DPP10: variants seen among roughly 807,000 people sequenced by gnomAD.
DPP10 encodes dipeptidyl peptidase like 10.
A neutral mutation model predicts 120.9 loss-of-function variants in DPP10; 33 were observed. The ratio of observed to expected loss-of-function variants is 0.27; its 90% CI spans 0.21 to 0.37. The LOEUF (loss-of-function observed/expected upper bound fraction) is 0.37. Among genes scored for constraint, DPP10 ranks in the 10% least tolerant of loss-of-function variants. DPP10 has a pLI of 1.00. For synonymous variants in DPP10, 337 were observed against 326.1 expected (o/e 1.03, Z -0.36); for missense variants, 816 against 942.8 (o/e 0.87, Z 1.76).
chr2:115,331,201 G>C (rs1241230821), intron 2 of DPP10, among the ~76,000 whole-genome samples: 1 of 152,138 alleles, frequency 6.6e-6, no homozygotes, highest in East Asian at 1.9e-4. Flanking sequence ...GTGAATGGGA[G>C]TTCACTCATG....
intron 1 of DPP10, among the ~76,000 whole-genome samples, chr2:114,591,071 G>A (rs548124571): frequency 4.6e-5 from 7 of 152,284 alleles, no homozygotes; most frequent in Admixed American, 4.6e-4. Flanking sequence ...ACACTGGGAG[G>A]TGTAGTGAGG....
chr2:114,809,738 A>C (rs1352757046), intron 1 of DPP10, among the ~76,000 whole-genome samples: 1 of 152,176 alleles, frequency 6.6e-6, no homozygotes, highest in Admixed American at 6.6e-5. Flanking sequence ...CTTTACCTGC[A>C]TACGGCTTGC....
chr2:115,634,244 C>T (rs1419686344), intron 5 of DPP10, among the ~76,000 whole-genome samples: 1 of 152,128 alleles, frequency 6.6e-6, no homozygotes, highest in Non-Finnish European at 1.5e-5. Context: ...TGTGCTCTTG[C>T]TGGAGAGGTG....
chr2:115,433,885 C>T (rs2104799530), intron 3 of DPP10, among the ~76,000 whole-genome samples: 1 of 152,050 alleles, frequency 6.6e-6, no homozygotes, highest in East Asian at 1.9e-4. Context: ...ATGCTCAAAT[C>T]CAAATTCAAA....
chr2:114,663,265 T>TATATATATATATATATATATA, intron 1 of DPP10, among the ~76,000 whole-genome samples: 1 of 148,506 alleles, frequency 6.7e-6, no homozygotes, highest in African/African-American at 2.5e-5. Flanking sequence ...TATATCTATA[T>TATATATATATATATATATATA]ATATATACAC....
intron 1 of DPP10, among the ~76,000 whole-genome samples, chr2:115,233,239 GTT>G (rs2057830427): frequency 7.1e-6 from 1 of 140,862 alleles, no homozygotes; most frequent in Non-Finnish European, 1.6e-5. Context: ...GTGTGTGTGT[GTT>G]TATTACATGC....
At chr2:114,561,895 T>C (rs1275535228) in intron 1 of DPP10, among the ~76,000 whole-genome samples, 1 of 152,218 alleles carries the variant, frequency 6.6e-6, no homozygotes, top group African/African-American at 2.4e-5. Context: ...GATTTAAACT[T>C]ATTTCATCAT....
intron 1 of DPP10, among the ~76,000 whole-genome samples, chr2:114,954,100 A>G (rs1167055568): frequency 1.7e-4 from 1 of 6,036 alleles, no homozygotes; most frequent in Non-Finnish European, 4.6e-4. Flanking sequence ...TTTTTTTTTG[A>G]TACAGAGTCT....
chr2:114,633,100 G>A (rs1306215226), intron 1 of DPP10, among the ~76,000 whole-genome samples: 4 of 150,940 alleles, frequency 2.7e-5, no homozygotes, highest in Admixed American at 1.3e-4. Context: ...CTATTGGGAT[G>A]TCATTGCTTC....
At chr2:115,335,099 A>G (rs1449494158) in intron 2 of DPP10, among the ~76,000 whole-genome samples, 1 of 151,946 alleles carries the variant, frequency 6.6e-6, no homozygotes, top group Non-Finnish European at 1.5e-5. Context: ...CGGGGATGGC[A>G]GGAGGCAAAA....
chr2:114,629,466 G>C (rs1694757900), intron 1 of DPP10, among the ~76,000 whole-genome samples: 1 of 152,180 alleles, frequency 6.6e-6, no homozygotes, highest in Non-Finnish European at 1.5e-5. Context: ...AACAAATAAA[G>C]TGGACTTGGG....
intron 12 of DPP10, among the ~76,000 whole-genome samples, chr2:115,766,230 T>C (rs1347984864): frequency 6.7e-6 from 1 of 150,190 alleles, no homozygotes; most frequent in Non-Finnish European, 1.5e-5. Context: ...TCGCAACTCA[T>C]AATTGATGAA....
intron 1 of DPP10, among the ~76,000 whole-genome samples, chr2:114,975,603 T>C (rs545085475): frequency 7.2e-5 from 11 of 152,328 alleles, no homozygotes; most frequent in Admixed American, 5.2e-4. Flanking sequence ...TATTTCTATC[T>C]TAACTTAGCA....
intron 1 of DPP10, among the ~76,000 whole-genome samples, chr2:114,480,541 G>C (rs1367109436): frequency 6.6e-6 from 1 of 152,046 alleles, no homozygotes; most frequent in African/African-American, 2.4e-5. Context: ...AAAAGGATGA[G>C]TTCATGTCCT....
intron 1 of DPP10, among the ~76,000 whole-genome samples, chr2:114,683,178 C>T (rs1050034071): frequency 9.9e-5 from 15 of 151,930 alleles, no homozygotes; most frequent in Admixed American, 2.0e-4. Context: ...GATGAGGAAA[C>T]GTAGATTATG....
In DPP10 at chr2:115,315,222, G is replaced by C. The variant is rs1234930268; in HGVS notation, c.175+5869G>C. 3.4e-4 allele frequency among the ~76,000 whole-genome samples: 51 copies of C among 150,832 alleles called. No individual in the cohort carries two copies. In the Admixed American group the frequency reaches 3.4e-3, roughly 10 times the overall value. ...AAAAAAAAGATTTGACCCTTTGAAAGAGGGCTTTAAAAATATTCATATGCC... is the reference window on the plus strand; with the variant it reads ...AAAAAAAAGATTTGACCCTTTGAAACAGGGCTTTAAAAATATTCATATGCC... On this transcript the variant is annotated intron_variant, in intron 2 of 25. Coordinates refer to ENST00000410059, the MANE Select transcript of DPP10 (RefSeq NM_020868.6).
intron 3 of DPP10, among the ~76,000 whole-genome samples, chr2:115,382,981 G>T (rs547012194): frequency 4.6e-5 from 7 of 152,212 alleles, no homozygotes; most frequent in African/African-American, 1.7e-4. Context: ...CTGCACAGGG[G>T]GTGCCATACT....
Position 115,016,509 on chromosome 2 carries a change from C to A in DPP10, c.61-292730C>A, listed in dbSNP as rs539243939. Among the ~76,000 whole-genome samples the A allele has an allele frequency of 9.8e-4, 149 of 152,180 alleles. 1 individual carries two copies. The Middle Eastern group carries it at 0.02, about 21-fold the overall frequency. ...AAAAGCCAAAATTGACAAATGGGAG[C>A]TAACTAAACTAAAGAGCTTCTGTAC... is the stretch of plus-strand genomic sequence containing the variant. On this transcript the variant is annotated intron_variant, in intron 1 of 25. Transcript: ENST00000410059.
chr2:115,435,959 C>T (rs1167490928), intron 3 of DPP10, among the ~76,000 whole-genome samples: 1 of 151,766 alleles, frequency 6.6e-6, no homozygotes, highest in East Asian at 1.9e-4. Flanking sequence ...GTCCTTTTTC[C>T]AATGCATGTT....
Sources: allele counts gnomAD v4.1 joint callset (sites outside exome capture counted in the v4.1 genomes callset), GRCh38; gene constraint gnomAD v4.1.1; transcripts MANE v1.5; gene names NCBI Gene and HGNC (gene_info 2026-07-23, HGNC 2026-07-21).